PDGFD: variants seen among roughly 807,000 people sequenced by gnomAD.
PDGFD encodes platelet-derived growth factor D.
In PDGFD, 30 loss-of-function variants were observed where a neutral mutation model predicts 44.7. That is an observed-to-expected ratio of 0.67 (90% confidence interval 0.50 to 0.91). PDGFD has a LOEUF of 0.91. PDGFD is among the 40% of genes least tolerant of loss of function. PDGFD has a pLI of 0.00. For synonymous variants in PDGFD, 173 were observed against 168.4 expected, an observed-to-expected ratio of 1.03 and a Z score of -0.21; for missense variants, 445 against 457.8, an observed-to-expected ratio of 0.97 and a Z score of 0.25.
At chr11:104,127,158 T>C (rs1315993501) in intron 1 of PDGFD, among the ~76,000 whole-genome samples, 3 of 152,018 alleles carry the variant, frequency 2.0e-5, no homozygotes, top group African/African-American at 7.3e-5. Flanking sequence ...AAGTGTGAGG[T>C]AGGAAGTGGC....
intron 1 of PDGFD, among the ~76,000 whole-genome samples, chr11:104,062,012 T>C (rs569302246): frequency 1.2e-4 from 18 of 152,318 alleles, no homozygotes; most frequent in African/African-American, 3.4e-4. Context: ...ATGCCTCTAG[T>C]TTCTATTCTC....
intron 1 of PDGFD, chr11:104,037,489 A>G (rs1209088170): frequency 6.2e-7 from 1 of 1,614,120 alleles, no homozygotes; most frequent in Admixed American, 1.7e-5. Context: ...GCAGCAAAAC[A>G]TTGAAGAAAA....
chr11:103,956,309 G>A (rs1036341487), intron 3 of PDGFD, among the ~76,000 whole-genome samples: 1 of 151,218 alleles, frequency 6.6e-6, no homozygotes, highest in Non-Finnish European at 1.5e-5. Flanking sequence ...GAGAACAGGC[G>A]GTGTTTGGTT....
At chr11:104,091,658 T>C (rs1390213521) in intron 1 of PDGFD, among the ~76,000 whole-genome samples, 1 of 152,206 alleles carries the variant, frequency 6.6e-6, no homozygotes, top group Non-Finnish European at 1.5e-5. Context: ...AGCGAAGACT[T>C]ACTCCTTAGG....
chr11:104,013,063 C>T (rs1002962762), intron 1 of PDGFD, among the ~76,000 whole-genome samples: 5 of 152,194 alleles, frequency 3.3e-5, no homozygotes, highest in South Asian at 2.1e-4. Flanking sequence ...CCCCAAACTC[C>T]GCTGGCAGAG....
chr11:104,141,484 T>C lies in PDGFD; in HGVS notation c.124+22320A>G, dbSNP rs79839081. Among the ~76,000 whole-genome samples the C allele has an allele frequency of 1.7e-4, 26 of 152,104 alleles. No homozygotes were observed. In the East Asian group the frequency reaches 5.0e-3, roughly 29 times the overall value. On this transcript the variant is annotated intron_variant, in intron 1 of 6. Transcript: ENST00000393158. ...GAAATCTCTTAAGTGAGTTCTCTTA[T>C]CTCTAAGTTTCCACTTATTAGCTCA...
intron 1 of PDGFD, among the ~76,000 whole-genome samples, chr11:104,066,336 G>C (rs112645986): frequency 7.2e-5 from 11 of 152,268 alleles, no homozygotes; most frequent in African/African-American, 2.6e-4. Context: ...GGAATGTTTT[G>C]TCATATATAT....
chr11:104,123,095 T>C (rs1861800336), intron 1 of PDGFD, among the ~76,000 whole-genome samples: 1 of 152,034 alleles, frequency 6.6e-6, no homozygotes, highest in Admixed American at 6.6e-5. Context: ...ATTTCCATGG[T>C]AGTGAAAATA....
chr11:104,053,967 T>C (rs11226131), intron 1 of PDGFD, among the ~76,000 whole-genome samples: 41,816 of 151,988 alleles, frequency 0.28, 6,399 homozygotes, highest in Non-Finnish European at 0.35. Context: ...ATTCATGACA[T>C]ATAGAAAGAA....
At chr11:104,072,509 C>G (rs575698016) in intron 1 of PDGFD, among the ~76,000 whole-genome samples, 1 of 151,752 alleles carries the variant, frequency 6.6e-6, no homozygotes. Flanking sequence ...GGTATACAAT[C>G]GTATCATCTA....
intron 3 of PDGFD, among the ~76,000 whole-genome samples, chr11:103,972,120 T>C (rs914234891): frequency 3.3e-5 from 5 of 152,220 alleles, no homozygotes; most frequent in Admixed American, 6.5e-5. Flanking sequence ...CTCTGAATGG[T>C]AAAATGTGTA....
intron 3 of PDGFD, among the ~76,000 whole-genome samples, chr11:103,948,680 T>C (rs1858698489): frequency 6.6e-6 from 1 of 152,170 alleles, no homozygotes; most frequent in Non-Finnish European, 1.5e-5. Flanking sequence ...GTCTGACAGC[T>C]TATTTATCCA....
intron 1 of PDGFD, among the ~76,000 whole-genome samples, chr11:104,100,130 A>C (rs943034009): frequency 2.0e-5 from 3 of 152,138 alleles, no homozygotes; most frequent in African/African-American, 4.8e-5. Flanking sequence ...CACCACTTGA[A>C]TCCTCAGGAG....
intron 1 of PDGFD, among the ~76,000 whole-genome samples, chr11:104,024,135 A>C (rs1860004505): frequency 6.6e-6 from 1 of 152,200 alleles, no homozygotes; most frequent in Non-Finnish European, 1.5e-5. Context: ...AAAAGGTCTC[A>C]TAAAATGTAT....
chr11:103,913,874 T>TATGCA (rs1858070530), intron 6 of PDGFD, among the ~76,000 whole-genome samples: 1 of 152,174 alleles, frequency 6.6e-6, no homozygotes, highest in African/African-American at 2.4e-5. Context: ...TAAACACCTC[T>TATGCA]ATGCAAATAA....
intron 3 of PDGFD, among the ~76,000 whole-genome samples, chr11:103,995,163 G>A (rs1859516929): frequency 6.6e-6 from 1 of 152,058 alleles, no homozygotes; most frequent in Admixed American, 6.6e-5. Context: ...TTACAGGCAT[G>A]AGCCACCACA....
At chr11:104,147,453 A>T (rs1224315141) in intron 1 of PDGFD, among the ~76,000 whole-genome samples, 1 of 152,208 alleles carries the variant, frequency 6.6e-6, no homozygotes, top group East Asian at 1.9e-4. Flanking sequence ...TATGCAAATT[A>T]ATGGTCATGT....
At chr11:103,975,331 G>A (rs945730610) in intron 3 of PDGFD, among the ~76,000 whole-genome samples, 7 of 152,080 alleles carry the variant, frequency 4.6e-5, no homozygotes, top group African/African-American at 1.7e-4. Flanking sequence ...ACTTTTTGAT[G>A]GGGTTGTTTG....
intron 5 of PDGFD, among the ~76,000 whole-genome samples, chr11:103,929,461 A>G (rs989091201): frequency 1.3e-5 from 2 of 152,196 alleles, no homozygotes; most frequent in African/African-American, 4.8e-5. Context: ...CCCTCCACAA[A>G]CCAGGAGAAG....
Sources: allele counts gnomAD v4.1 joint callset (sites outside exome capture counted in the v4.1 genomes callset), GRCh38; gene constraint gnomAD v4.1.1; transcripts MANE v1.5; gene names NCBI Gene and HGNC (gene_info 2026-07-23, HGNC 2026-07-21).